HS3ST5: variants seen among roughly 807,000 people sequenced by gnomAD.
The protein encoded by HS3ST5 is heparan sulfate glucosamine 3-O-sulfotransferase 5.
In HS3ST5, 10 loss-of-function variants were observed where a neutral mutation model predicts 25.4. The ratio of observed to expected loss-of-function variants is 0.39; its 90% CI spans 0.24 to 0.67. The LOEUF is 0.67. HS3ST5 is among the 30% of genes least tolerant of loss of function. HS3ST5 has a pLI of 0.44. For missense variants in HS3ST5, 324 were observed against 420.7 expected, an observed-to-expected ratio of 0.77 and a Z score of 2.01; for synonymous variants, 170 against 162.4, an observed-to-expected ratio of 1.05 and a Z score of -0.36.
chr6:114,104,538 C>T (rs1452809183), intron 3 of HS3ST5, among the ~76,000 whole-genome samples: 1 of 152,158 alleles, frequency 6.6e-6, no homozygotes, highest in African/African-American at 2.4e-5. Context: ...CAGCAGCATT[C>T]CTGGTACCAC....
chr6:114,294,816 G>T (rs1366971521), intron 1 of HS3ST5, among the ~76,000 whole-genome samples: 2 of 152,154 alleles, frequency 1.3e-5, no homozygotes, highest in Non-Finnish European at 2.9e-5. Context: ...AATGTTGGCT[G>T]AAATTGGTCA....
intron 3 of HS3ST5, among the ~76,000 whole-genome samples, chr6:114,164,459 A>C (rs971353941): frequency 5.9e-5 from 9 of 152,168 alleles, no homozygotes; most frequent in African/African-American, 2.2e-4. Context: ...GAAATACTTG[A>C]CAGTTGAAAT....
At chr6:114,187,262 A>G (rs1010326687) in intron 2 of HS3ST5, among the ~76,000 whole-genome samples, 6 of 152,366 alleles carry the variant, frequency 3.9e-5, no homozygotes, top group Middle Eastern at 3.4e-3. Context: ...CCTCTGATGA[A>G]TCTGGGCAAA....
At chr6:114,081,972 A>G (rs1168645128) in intron 3 of HS3ST5, among the ~76,000 whole-genome samples, 2 of 152,082 alleles carry the variant, frequency 1.3e-5, no homozygotes, top group Non-Finnish European at 2.9e-5. Context: ...CGTTTTCATC[A>G]TCCCCCAAAA....
chr6:114,151,575 G>C (rs781731825), intron 3 of HS3ST5, among the ~76,000 whole-genome samples: 3 of 152,160 alleles, frequency 2.0e-5, no homozygotes, highest in African/African-American at 7.2e-5. Context: ...AATGTAACTA[G>C]CCATCTTGTT....
chr6:114,288,366 C>A (rs988378240), intron 1 of HS3ST5, among the ~76,000 whole-genome samples: 1 of 151,846 alleles, frequency 6.6e-6, no homozygotes, highest in Non-Finnish European at 1.5e-5. Context: ...TTATGAACTG[C>A]GATTATATTA....
At chr6:114,174,094 A>G (rs371947427) in intron 2 of HS3ST5, among the ~76,000 whole-genome samples, 5 of 150,108 alleles carry the variant, frequency 3.3e-5, no homozygotes, top group Admixed American at 2.7e-4. Context: ...ATCTGTTCCC[A>G]CTCTACCCTG....
chr6:114,244,676 A>G (rs1772298187), intron 1 of HS3ST5, among the ~76,000 whole-genome samples: 1 of 152,218 alleles, frequency 6.6e-6, no homozygotes, highest in Non-Finnish European at 1.5e-5. Context: ...GCTAATTGAC[A>G]AAGACATCTC....
intron 2 of HS3ST5, among the ~76,000 whole-genome samples, chr6:114,191,677 C>T (rs973032223): frequency 2.6e-5 from 4 of 152,052 alleles, no homozygotes; most frequent in South Asian, 2.1e-4. Context: ...TTGCAGTGTC[C>T]GAAGCTGGGG....
chr6:114,264,271 TG>T (rs1472578392), intron 1 of HS3ST5, among the ~76,000 whole-genome samples: 6 of 152,208 alleles, frequency 3.9e-5, no homozygotes, highest in Admixed American at 2.6e-4. Flanking sequence ...AGCTCAATGA[TG>T]AAAAACATGT....
At chr6:114,249,185 C>A (rs951157939) in intron 1 of HS3ST5, among the ~76,000 whole-genome samples, 9 of 152,162 alleles carry the variant, frequency 5.9e-5, no homozygotes, top group African/African-American at 1.9e-4. Flanking sequence ...AAAAGTCAAC[C>A]TCCAGAAATT....
At chr6:114,095,428 G>T (rs988951893) in intron 3 of HS3ST5, among the ~76,000 whole-genome samples, 1 of 152,142 alleles carries the variant, frequency 6.6e-6, no homozygotes, top group Non-Finnish European at 1.5e-5. Flanking sequence ...TTTCTTCAGG[G>T]CTGATGGCTA....
intron 3 of HS3ST5, among the ~76,000 whole-genome samples, chr6:114,125,572 T>C (rs1030606186): frequency 3.3e-5 from 5 of 152,160 alleles, no homozygotes; most frequent in Non-Finnish European, 7.4e-5. Context: ...TCTTAAGAAA[T>C]TGGTAGTTAG....
At chr6:114,235,633 A>T (rs976460497) in intron 1 of HS3ST5, 1 of 152,168 alleles carries the variant, frequency 6.6e-6, no homozygotes, top group Non-Finnish European at 1.5e-5. Context: ...TCTTAAGAGG[A>T]TGCACCTCCA....
chr6:114,221,349 G>A (rs1412139580), intron 2 of HS3ST5, among the ~76,000 whole-genome samples: 1 of 151,850 alleles, frequency 6.6e-6, no homozygotes, highest in Non-Finnish European at 1.5e-5. Context: ...ATAAAAATAT[G>A]TATTCGAATT....
At chr6:114,127,876 TTATA>T (rs1279791711) in intron 3 of HS3ST5, among the ~76,000 whole-genome samples, 2 of 128,624 alleles carry the variant, frequency 1.6e-5, no homozygotes, top group African/African-American at 5.7e-5. Flanking sequence ...AGAGAGAGAC[TTATA>T]TATAGAGAGA....
intron 3 of HS3ST5, among the ~76,000 whole-genome samples, chr6:114,118,619 C>T (rs942232624): frequency 4.6e-5 from 7 of 152,168 alleles, no homozygotes; most frequent in African/African-American, 1.7e-4. Context: ...TAAATATGAG[C>T]TCCCACAGGT....
Position 114,336,629 on chromosome 6 carries a change from T to A in HS3ST5, c.-339+5566A>T, listed in dbSNP as rs557379646. Among the ~76,000 whole-genome samples the A allele has an allele frequency of 7.3e-4, 111 of 151,930 alleles. 1 individual carries two copies. The highest frequency in any genetic ancestry group is 1.4e-3 in the Admixed American group (21 of 15,264). On this transcript the variant is annotated intron_variant, in intron 1 of 4. Coordinates refer to ENST00000312719, the MANE Select transcript of HS3ST5 (RefSeq NM_153612.4). ...CTCAAATAATAATAATAATAATAAT[T>A]AATTAATTAAATTACTAAGAACTAT...
intron 1 of HS3ST5, among the ~76,000 whole-genome samples, chr6:114,339,163 A>C (rs1440018721): frequency 6.6e-6 from 1 of 152,198 alleles, no homozygotes; most frequent in African/African-American, 2.4e-5. Flanking sequence ...AACCAATGAA[A>C]TATAGAAATA....
Sources: gnomAD v4.1 joint callset for allele counts (sites outside exome capture counted in the v4.1 genomes callset) on GRCh38, gnomAD v4.1.1 for gene constraint, MANE v1.5 for transcripts, NCBI Gene and HGNC (gene_info 2026-07-23, HGNC 2026-07-21) for gene names.